The following GALNT18 variants were observed in gnomAD, a reference collection of about 807,000 sequenced individuals.
The protein encoded by GALNT18 is polypeptide N-acetylgalactosaminyltransferase 18.
A neutral mutation model predicts 69.5 loss-of-function variants in GALNT18; 44 were observed. The observed-to-expected ratio is 0.63, with a 90% CI of 0.50 to 0.81. The LOEUF is 0.81. GALNT18 is among the 40% of genes least tolerant of loss of function. The probability of loss-of-function intolerance (pLI) is 0.00; values close to 1 mark genes in which losing one functional copy is unlikely to be tolerated. For synonymous variants in GALNT18, 364 were observed against 318.2 expected (o/e 1.14, Z -1.53); for missense variants, 715 against 810.0 (o/e 0.88, Z 1.42).
Position 11,404,564 on chromosome 11 carries a change from A to G in GALNT18, c.596-25300T>C, listed in dbSNP as rs1258995659. Among the ~76,000 whole-genome samples the G allele has an allele frequency of 2.6e-5, 4 of 152,064 alleles. No individual in the cohort carries two copies. Among genetic ancestry groups the G allele is most frequent in the Non-Finnish European group, 2.9e-5 (2 of 67,988 alleles). ...GAGTCACGTGGGAGGAAAATGTCTG[A>G]GTGTATCTGAACCACGGCTCCATCC... On this transcript the variant is annotated intron_variant, in intron 3 of 10. Coordinates refer to ENST00000227756, the MANE Select transcript of GALNT18 (RefSeq NM_198516.3). This position sits in a 1 kb window ranked among gnomAD's most constrained non-coding sequence, Gnocchi z 4.5.
intron 1 of GALNT18, among the ~76,000 whole-genome samples, chr11:11,486,597 AT>A (rs1856650183): frequency 6.6e-6 from 1 of 152,230 alleles, no homozygotes; most frequent in Non-Finnish European, 1.5e-5. Flanking sequence ...TCTTTATTAC[AT>A]CCATACTGAC....
At chr11:11,526,439 C>A (rs1028557669) in intron 1 of GALNT18, among the ~76,000 whole-genome samples, 8 of 152,164 alleles carry the variant, frequency 5.3e-5, no homozygotes, top group African/African-American at 1.9e-4. Flanking sequence ...TTACTTCTTT[C>A]ATTGTCTTTC....
At chr11:11,520,050 G>C (rs986844337) in intron 1 of GALNT18, among the ~76,000 whole-genome samples, 1 of 152,216 alleles carries the variant, frequency 6.6e-6, no homozygotes, top group Non-Finnish European at 1.5e-5. Context: ...TGGCACTGGG[G>C]AGCAGGAGCA....
In GALNT18 at chr11:11,492,985, G is replaced by A. The variant is rs1205193613; in HGVS notation, c.236-44049C>T. The stretch of plus-strand genomic sequence containing the variant: ...CCATGACTTTAAAATTTCTTGGGCC[G>A]GGTGCAGTGGCTCACACCTGTAATC... On this transcript the variant is annotated intron_variant, in intron 1 of 10. Coordinates refer to ENST00000227756, the MANE Select transcript of GALNT18 (RefSeq NM_198516.3). 3.9e-5 allele frequency among the ~76,000 whole-genome samples: 6 copies of A among 152,136 alleles called. No individual in the cohort carries two copies. In the East Asian group the frequency reaches 7.7e-4, roughly 20 times the overall value.
chr11:11,419,619 A>AAAAAAAAAAAAAAAAAG (rs1554932034), intron 3 of GALNT18, among the ~76,000 whole-genome samples: 1 of 128,356 alleles, frequency 7.8e-6, no homozygotes, highest in African/African-American at 2.8e-5. Flanking sequence ...AAAAAAAAAA[A>AAAAAAAAAAAAAAAAAG]AAAGAAAGAA....
At chr11:11,481,360 C>T (rs1166555913) in intron 1 of GALNT18, among the ~76,000 whole-genome samples, 15 of 152,126 alleles carry the variant, frequency 9.9e-5, no homozygotes, top group Admixed American at 9.8e-4. Context: ...CTTGGGCAAG[C>T]ATTTGAGCTC....
At chr11:11,503,613 T>C (rs1179519605) in intron 1 of GALNT18, among the ~76,000 whole-genome samples, 1 of 152,210 alleles carries the variant, frequency 6.6e-6, no homozygotes, top group African/African-American at 2.4e-5. Context: ...CCCAAGAAGC[T>C]GAGTTCACTT....
At chr11:11,351,840 G>A (rs990389550) in intron 6 of GALNT18, 15 of 878,850 alleles carry the variant, frequency 1.7e-5, no homozygotes, top group Middle Eastern at 3.4e-4. Context: ...GTTCAGACAC[G>A]TTGCTTCTGA....
At chr11:11,458,896 C>G (rs1263948321) in intron 1 of GALNT18, among the ~76,000 whole-genome samples, 1 of 152,228 alleles carries the variant, frequency 6.6e-6, no homozygotes, top group Admixed American at 6.5e-5. Context: ...AGACAGGAAG[C>G]CTTGGCCTAA....
At chr11:11,594,300 T>C (rs1222504683) in intron 1 of GALNT18, among the ~76,000 whole-genome samples, 4 of 152,238 alleles carry the variant, frequency 2.6e-5, no homozygotes, top group Non-Finnish European at 4.4e-5. Flanking sequence ...CATTATTTTT[T>C]AAGCTTTATT....
chr11:11,416,448 T>C (rs1465446406), intron 3 of GALNT18, among the ~76,000 whole-genome samples: 1 of 152,202 alleles, frequency 6.6e-6, no homozygotes, highest in African/African-American at 2.4e-5. Context: ...TTAACCCTGT[T>C]GGAGACACTC....
At chr11:11,458,911 A>G (rs1340568590) in intron 1 of GALNT18, among the ~76,000 whole-genome samples, 1 of 152,064 alleles carries the variant, frequency 6.6e-6, no homozygotes, top group Non-Finnish European at 1.5e-5. Flanking sequence ...GCCTAACCTC[A>G]TCTCCAACAC....
chr11:11,352,790 G>A (rs1302459740), intron 6 of GALNT18: 2 of 1,614,038 alleles, frequency 1.2e-6, no homozygotes, highest in Admixed American at 1.7e-5. Flanking sequence ...CAAAAACCAA[G>A]GCGGGGGTTC....
At chr11:11,520,373 C>T (rs779764776) in intron 1 of GALNT18, among the ~76,000 whole-genome samples, 5 of 152,234 alleles carry the variant, frequency 3.3e-5, no homozygotes, top group African/African-American at 7.2e-5. Context: ...GTTCTCTGGC[C>T]TGCTGAGCTA....
rs745181 is a variant in GALNT18, at chr11:11,327,281, A to T, written c.1417-100T>A. ...CAAGTATTCTGCTGAGACAGATTTCATGTCCATAATCAGCCCAAGGCCCTT... is the reference window on the plus strand; with the variant it reads ...CAAGTATTCTGCTGAGACAGATTTCTTGTCCATAATCAGCCCAAGGCCCTT... On this transcript the variant is annotated intron_variant, in intron 8 of 10. Transcript: ENST00000227756. 4.4e-6 allele frequency: 4 copies of T among 899,158 alleles called. No homozygotes were observed. In the East Asian group the frequency reaches 1.0e-4, roughly 23 times the overall value. The allele number at this position is 899,158 out of a possible 1,614,324, so 55.7% of individuals were successfully genotyped here.
At chr11:11,364,818 T>A (rs562777307) in intron 6 of GALNT18, among the ~76,000 whole-genome samples, 1 of 152,164 alleles carries the variant, frequency 6.6e-6, no homozygotes, top group Non-Finnish European at 1.5e-5. Context: ...TTTGATGAAA[T>A]GATATGATGT....
rs528644377 is a variant in GALNT18 at position 11,445,040 on chromosome 11, T to C, written c.428+3704A>G. On this transcript the variant is annotated intron_variant, in intron 2 of 10. Transcript: ENST00000227756. ...CAACAAGCCTTGGTTTCATGTGCACTAAAACAGTTTTTTCCAACATGTAGA... is the reference window on the plus strand; with the variant it reads ...CAACAAGCCTTGGTTTCATGTGCACCAAAACAGTTTTTTCCAACATGTAGA... Among the ~76,000 whole-genome samples the C allele has an allele frequency of 2.9e-3, 444 of 152,314 alleles. 1 individual carries two copies. The highest frequency in any genetic ancestry group is 9.9e-3 in the African/African-American group (412 of 41,572).
chr11:11,379,935 T>C (rs1223330419), intron 3 of GALNT18, among the ~76,000 whole-genome samples: 2 of 152,244 alleles, frequency 1.3e-5, no homozygotes, highest in Non-Finnish European at 2.9e-5. Flanking sequence ...AGCAGCCCCC[T>C]GAACCCTCAG....
chr11:11,349,051 C>T (rs996188617), intron 6 of GALNT18, among the ~76,000 whole-genome samples: 3 of 152,240 alleles, frequency 2.0e-5, no homozygotes, highest in African/African-American at 7.2e-5. Context: ...TTGCCATAAA[C>T]CTACACTGCA....
Sources: allele counts gnomAD v4.1 joint callset (sites outside exome capture counted in the v4.1 genomes callset), GRCh38; gene constraint gnomAD v4.1.1; non-coding constraint Gnocchi (gnomAD v3.1); transcripts MANE v1.5; gene names NCBI Gene and HGNC (gene_info 2026-07-23, HGNC 2026-07-21).